PXDN: variants seen among roughly 807,000 people sequenced by gnomAD.
The protein encoded by PXDN is peroxidasin, also known as peroxidasin homolog.
A neutral mutation model predicts 140.3 loss-of-function variants in PXDN; 77 were observed. That is an observed-to-expected ratio of 0.55 (90% CI 0.46 to 0.66). PXDN has a LOEUF of 0.66. PXDN is among the 30% of genes least tolerant of loss of function. The pLI is 0.00. For synonymous variants in PXDN, 911 were observed against 857.4 expected (o/e 1.06, Z -1.09); for missense variants, 1,838 against 2,039.5 (o/e 0.90, Z 1.90).
In PXDN at chr2:1,649,548, G is replaced by A. The variant is rs754446931; in HGVS notation, c.2232C>T (p.His744=). ...GCTGCAGGTTGTTACAGGTGCCGTC[G>A]TGCGTCCGGTACTTCTGGTGGAAGC... The part of the protein sequence containing the change: ...DMCFHQKYRT[H]DGTCNNLQHP... Residue 744 remains histidine, a synonymous_variant, in exon 17 of 23, where the codon CAC becomes CAT. Transcript: ENST00000252804. The surrounding 1 kb of genome is among the most constrained non-coding windows in gnomAD (Gnocchi z 7.1). 1.5e-5 allele frequency: 25 copies of A among 1,614,026 alleles called. No individual in the cohort carries two copies. Among genetic ancestry groups the A allele is most frequent in the Middle Eastern group, 1.6e-4 (1 of 6,062 alleles).
chr2:1,665,640 C>A (rs930961537), intron 10 of PXDN, among the ~76,000 whole-genome samples: 2 of 152,202 alleles, frequency 1.3e-5, no homozygotes, highest in African/African-American at 4.8e-5. Context: ...TGAAGAGAGG[C>A]CAGCAGAAGG....
intron 19 of PXDN, among the ~76,000 whole-genome samples, chr2:1,642,839 C>T (rs1558485122): frequency 6.6e-6 from 1 of 152,192 alleles, no homozygotes; most frequent in African/African-American, 2.4e-5. Flanking sequence ...GATATCAGGG[C>T]GTCCCTCAGC....
At chr2:1,634,669 G>C (rs1305198242) in intron 22 of PXDN, among the ~76,000 whole-genome samples, 5 of 152,188 alleles carry the variant, frequency 3.3e-5, no homozygotes, top group African/African-American at 4.8e-5. Context: ...GACTGTGTCT[G>C]GGGGTGGGCG....
chr2:1,649,050 T>A lies in PXDN; in HGVS notation c.2730A>T (p.Ile910=), dbSNP rs1863135. The A allele has an allele frequency of 1.7e-5, 27 of 1,612,630 alleles. No homozygotes were observed. In the East Asian group the frequency reaches 3.8e-4, roughly 23 times the overall value. The part of the protein sequence containing the change: ...REQINQLTSY[I]DASNVYGSTE... Reference sequence around the variant, plus strand: ...TGCTCCCGTACACGTTGGATGCGTCTATGTAGGAGGTGAGCTGGTTGATCT... The same window carrying A: ...TGCTCCCGTACACGTTGGATGCGTCAATGTAGGAGGTGAGCTGGTTGATCT... The change falls in exon 17 of 23, where the codon ATA becomes ATT. Residue 910 remains isoleucine (I), a synonymous_variant. Coordinates refer to ENST00000252804, the MANE Select transcript of PXDN (RefSeq NM_012293.3). The surrounding 1 kb of genome is among the most constrained non-coding windows in gnomAD (Gnocchi z 7.1).
intron 1 of PXDN, among the ~76,000 whole-genome samples, chr2:1,711,025 C>CCCGCT (rs1684758822): frequency 1.4e-5 from 1 of 72,466 alleles, no homozygotes; most frequent in Non-Finnish European, 2.7e-5. Flanking sequence ...TCCACCAGCA[C>CCCGCT]CCACTCCACC....
At chr2:1,692,339 TA>T (rs1684200265) in intron 2 of PXDN, among the ~76,000 whole-genome samples, 1 of 152,218 alleles carries the variant, frequency 6.6e-6, no homozygotes, top group African/African-American at 2.4e-5. Context: ...TGGCCAGTGC[TA>T]AGGCAGTCAT....
rs768828474 is a variant in PXDN at position 1,648,676 on chromosome 2, A to G, written c.3104T>C (p.Leu1035Pro). ...EIQHITYQHW[L>P]PKILGEVGMR... ...GCCCACCTCCCCCAGGATCTTCGGG[A>G]GCCAGTGCTGGTAGGTGATGTGCTG... Residue 1035 changes from leucine to proline, a missense_variant, in exon 17 of 23, where the codon CTC (leucine) becomes CCC (proline). Transcript: ENST00000252804. This position sits in a 1 kb window ranked among gnomAD's most constrained non-coding sequence, Gnocchi z 8.9. The G allele has an allele frequency of 1.2e-6, 2 of 1,608,544 alleles. No individual in the cohort carries two copies. Among genetic ancestry groups the G allele is most frequent in the Non-Finnish European group, 1.7e-6 (2 of 1,177,968 alleles).
Position 1,649,168 on chromosome 2 carries a change from C to T in PXDN, c.2612G>A (p.Ser871Asn), listed in dbSNP as rs368847628. Reference sequence around the variant, plus strand: ...CACGAAGAACATGCAGCGGGCCCCGCTCCTGGCCCGGGAGTCATTGGGGGG... The same window carrying T: ...CACGAAGAACATGCAGCGGGCCCCGTTCCTGGCCCGGGAGTCATTGGGGGG... The part of the protein sequence containing the change: ...MIPPNDSRAR[S>N]GARCMFFVRS... The change falls in exon 17 of 23, where the codon AGC becomes AAC. Residue 871 changes from serine to asparagine, a missense_variant. By Grantham distance (46) the Ser-to-Asn change is conservative (BLOSUM62 1). This residue lies in a region of PXDN where 850 missense variants were observed against 894.1 expected (regional missense o/e 0.95). Transcript: ENST00000252804. The surrounding 1 kb of genome is among the most constrained non-coding windows in gnomAD (Gnocchi z 7.1). The T allele has an allele frequency of 3.1e-6, 5 of 1,612,376 alleles. No homozygotes were observed. The highest frequency in any genetic ancestry group is 4.2e-6 in the Non-Finnish European group (5 of 1,179,718).
intron 14 of PXDN, among the ~76,000 whole-genome samples, chr2:1,655,735 C>A (rs1243376358): frequency 7.0e-6 from 1 of 143,666 alleles, no homozygotes; most frequent in Non-Finnish European, 1.5e-5. Flanking sequence ...AACATGCCCC[C>A]TTCAGACAGG....
In PXDN at chr2:1,634,174, C is replaced by T; in HGVS notation, c.*30G>A. On this transcript the variant is annotated 3_prime_UTR_variant, in exon 23 of 23. Coordinates refer to ENST00000252804, the MANE Select transcript of PXDN (RefSeq NM_012293.3). Reference sequence around the variant, plus strand: ...GCCACCCGATCTCACGATGGCACAGCAGACAAACTCTGAGGAGCCTCCCAG... The same window carrying T: ...GCCACCCGATCTCACGATGGCACAGTAGACAAACTCTGAGGAGCCTCCCAG... The T allele has an allele frequency of 6.4e-7, 1 of 1,554,394 alleles. No homozygotes were observed. Among genetic ancestry groups the T allele is most frequent in the Non-Finnish European group, 8.7e-7 (1 of 1,148,344 alleles).
chr2:1,688,807 A>G (rs1684121684), intron 3 of PXDN, among the ~76,000 whole-genome samples: 1 of 148,476 alleles, frequency 6.7e-6, no homozygotes, highest in South Asian at 2.2e-4. Flanking sequence ...CGTTCCACTA[A>G]ATAACCAACA....
Position 1,633,950 on chromosome 2 carries a change from T to A in PXDN, c.*254A>T, listed in dbSNP as rs996285817. ...AATTTTTCATTTTAAAAGAATTAAATAAAAACCTGAGAAGTCTAACGTGAA... is the reference window on the plus strand; with the variant it reads ...AATTTTTCATTTTAAAAGAATTAAAAAAAAACCTGAGAAGTCTAACGTGAA... On this transcript the variant is annotated 3_prime_UTR_variant, in exon 23 of 23. Transcript: ENST00000252804. The A allele has an allele frequency of 1.0e-5, 4 of 392,316 alleles. No homozygotes were observed. The Admixed American group carries it at 1.2e-4, about 12-fold the overall frequency. The allele number at this position is 392,316 out of a possible 1,614,324, so 24.3% of individuals were successfully genotyped here.
rs1416961563 is a variant in PXDN, at chr2:1,665,012, A to C, written c.1354T>G (p.Phe452Val). 3 of 1,613,134 alleles carry C rather than the reference A, an allele frequency of 1.9e-6. No homozygotes were observed. In the Admixed American group the frequency reaches 5.0e-5, roughly 27 times the overall value. ...RVVIEGQTVDFQCEAKGNPPP... is the reference protein window; with the variant it reads ...RVVIEGQTVDVQCEAKGNPPP... Reference sequence around the variant, plus strand: ...GGGTTGCCCTTGGCTTCACACTGGAAATCCACGGTCTGGCCCTCAATAACG... The same window carrying C: ...GGGTTGCCCTTGGCTTCACACTGGACATCCACGGTCTGGCCCTCAATAACG... The change falls in exon 11 of 23, where the codon TTC becomes GTC. Residue 452 changes from phenylalanine to valine, a missense_variant. Coordinates refer to ENST00000252804, the MANE Select transcript of PXDN (RefSeq NM_012293.3).
chr2:1,659,701 A>AACTTAATTTTAC (rs200278703), intron 14 of PXDN, among the ~76,000 whole-genome samples: 2 of 152,234 alleles, frequency 1.3e-5, no homozygotes, highest in African/African-American at 4.8e-5. Flanking sequence ...AAGTTTCATC[A>AACTTAATTTTAC]ACTTAATTTT....
intron 1 of PXDN, among the ~76,000 whole-genome samples, chr2:1,743,156 A>T (rs1013111640): frequency 6.6e-6 from 1 of 152,212 alleles, no homozygotes; most frequent in African/African-American, 2.4e-5. Context: ...CTCTGGCGGC[A>T]TCTCGGTACC....
rs377533152 is a variant in PXDN, at chr2:1,632,124, G to C, written c.*2080C>G. On this transcript the variant is annotated 3_prime_UTR_variant, in exon 23 of 23. Transcript: ENST00000252804. This position sits in a 1 kb window ranked among gnomAD's most constrained non-coding sequence, Gnocchi z 4.3. ...TTCTGATTACAGAGAGTATCAAACT[G>C]GTGATTCCGCAGACATTTTGGTTTG... The C allele has an allele frequency of 1.2e-3, 185 of 152,498 alleles. 3 individuals carry two copies. The highest frequency in any genetic ancestry group is 4.3e-3 in the African/African-American group (178 of 41,556). The allele number at this position is 152,498 out of a possible 1,614,324, so 9.4% of individuals were successfully genotyped here. A position where few individuals can be genotyped will look rare whatever the true frequency, so the allele number is the denominator to read the frequency against.
rs1303011334 is a variant in PXDN at position 1,639,447 on chromosome 2, T to A, written c.3953-25A>T. The A allele has an allele frequency of 1.9e-6, 3 of 1,613,676 alleles. No individual in the cohort carries two copies. Among genetic ancestry groups the A allele is most frequent in the Admixed American group, 1.7e-5 (1 of 59,996 alleles). ...TCTAAAATGGAAGCACAAAGCAGAA[T>A]GTCAGCTCTGAAGGCTCTGACCTCG... On this transcript the variant is annotated intron_variant, in intron 19 of 22. Coordinates refer to ENST00000252804, the MANE Select transcript of PXDN (RefSeq NM_012293.3). This position sits in a 1 kb window ranked among gnomAD's most constrained non-coding sequence, Gnocchi z 5.0.
chr2:1,694,671 C>T lies in PXDN; in HGVS notation c.201-1537G>A, dbSNP rs988489856. On this transcript the variant is annotated intron_variant, in intron 1 of 22. Coordinates refer to ENST00000252804, the MANE Select transcript of PXDN (RefSeq NM_012293.3). ...TCTAAACAGATGAGATTTTAATTTA[C>T]ATTCATATTCAGAATATCACTAGTG... is the stretch of plus-strand genomic sequence containing the variant. Among the ~76,000 whole-genome samples the T allele has an allele frequency of 2.6e-5, 4 of 152,354 alleles. No individual in the cohort carries two copies. In the East Asian group the frequency reaches 7.7e-4, roughly 29 times the overall value.
At chr2:1,677,789 T>C (rs948163583) in intron 7 of PXDN, among the ~76,000 whole-genome samples, 2 of 152,218 alleles carry the variant, frequency 1.3e-5, no homozygotes, top group African/African-American at 4.8e-5. Context: ...TAGGCTTCCA[T>C]CTCTGCCTCG....
Sources: allele counts gnomAD v4.1 joint callset (sites outside exome capture counted in the v4.1 genomes callset), GRCh38; gene constraint gnomAD v4.1.1; regional missense constraint gnomAD v4.1.1; non-coding constraint Gnocchi (gnomAD v3.1); transcripts MANE v1.5; gene names NCBI Gene and HGNC (gene_info 2026-07-23, HGNC 2026-07-21).